RTTN: variants seen among roughly 807,000 people sequenced by gnomAD.
RTTN encodes rotatin.
In RTTN, 182 loss-of-function variants were observed where a neutral mutation model predicts 269.2. The observed-to-expected ratio is 0.68, with a 90% CI of 0.60 to 0.76. The LOEUF is 0.76. Ranked by LOEUF, RTTN falls within the 30% of genes least tolerant of loss-of-function variation. The pLI is 0.00. For missense variants in RTTN, 2,545 were observed against 2,608.6 expected, an observed-to-expected ratio of 0.98 and a Z score of 0.53; for synonymous variants, 1,006 against 963.5, an observed-to-expected ratio of 1.04 and a Z score of -0.82.
At chr18:70,125,275 A>C (rs909534106) in intron 25 of RTTN, among the ~76,000 whole-genome samples, 2 of 151,970 alleles carry the variant, frequency 1.3e-5, no homozygotes, top group Non-Finnish European at 2.9e-5. Flanking sequence ...AATCATTTTT[A>C]CCCTTCTCTG....
intron 32 of RTTN, among the ~76,000 whole-genome samples, chr18:70,080,213 T>C (rs759793657): frequency 7.9e-5 from 12 of 152,118 alleles, no homozygotes; most frequent in Admixed American, 3.9e-4. Context: ...CACAGACAAT[T>C]ACTAGCTTTG....
rs7227882 is a variant in RTTN, at chr18:70,167,195, G to T, written c.1690-164C>A. Among the ~76,000 whole-genome samples, 11,806 of 152,216 alleles carry T rather than the reference G, an allele frequency of 0.078. 977 individuals carry two copies. Among genetic ancestry groups the T allele is most frequent in the African/African-American group, 0.2 (8,365 of 41,488 alleles). On this transcript the variant is annotated intron_variant, in intron 12 of 48. Coordinates refer to ENST00000640769, the MANE Select transcript of RTTN (RefSeq NM_173630.4). The stretch of plus-strand genomic sequence containing the variant: ...ATCAAGCAACCTAAAAATGTCAGCC[G>T]AGGTGGAGAAATGTAGGAAAATTCC...
At chr18:70,123,740 T>G (rs1439081213) in intron 25 of RTTN, among the ~76,000 whole-genome samples, 1 of 152,104 alleles carries the variant, frequency 6.6e-6, no homozygotes, top group Non-Finnish European at 1.5e-5. Context: ...AGTTTCCTAA[T>G]AGTCTGCTTG....
At chr18:70,171,137 G>A (rs768564639) in intron 11 of RTTN, among the ~76,000 whole-genome samples, 96 of 152,178 alleles carry the variant, frequency 6.3e-4, no homozygotes, top group Non-Finnish European at 9.8e-4. Context: ...TGGTCTGGAA[G>A]TATAAATTTG....
At chr18:70,057,880 T>G (rs1226521830) in intron 36 of RTTN, 48 bp from the exon 37 acceptor site, 4 of 1,293,546 alleles carry the variant, frequency 3.1e-6, no homozygotes, top group African/African-American at 3.0e-5. Context: ...AGTATACTTT[T>G]TATTAAAGAT....
At chr18:70,156,010 T>C (rs2060665743) in intron 14 of RTTN, among the ~76,000 whole-genome samples, 2 of 152,088 alleles carry the variant, frequency 1.3e-5, no homozygotes, top group South Asian at 2.1e-4. Context: ...CCTGTGATGA[T>C]TGCGTTAACT....
chr18:70,204,978 C>T, intron 2 of RTTN, 150 bp downstream of exon 2: 1 of 704,440 alleles, frequency 1.4e-6, no homozygotes, highest in Non-Finnish European at 2.4e-6. Context: ...AAAGATGAAC[C>T]ATATACCCAG....
chr18:70,140,636 C>T lies in RTTN; in HGVS notation c.2582-448G>A, dbSNP rs116562344. Among the ~76,000 whole-genome samples the T allele has an allele frequency of 4.5e-3, 690 of 152,028 alleles. 6 individuals carry two copies. The highest frequency in any genetic ancestry group is 0.016 in the African/African-American group (652 of 41,516). On this transcript the variant is annotated intron_variant, in intron 19 of 48. Transcript: ENST00000640769. The stretch of plus-strand genomic sequence containing the variant: ...AACATTTTTCTATCTATAAAAAAAT[C>T]TCTAACCTCAAACTATTAATAGCAA...
At chr18:70,012,898 A>G (rs2056431710) in intron 46 of RTTN, among the ~76,000 whole-genome samples, 1 of 152,226 alleles carries the variant, frequency 6.6e-6, no homozygotes, top group Admixed American at 6.5e-5. Flanking sequence ...GAATAAACAA[A>G]AATTTTGTCT....
intron 32 of RTTN, among the ~76,000 whole-genome samples, chr18:70,084,537 C>CTTA (rs1278115590): frequency 1.3e-5 from 2 of 151,464 alleles, no homozygotes; most frequent in Non-Finnish European, 2.9e-5. Context: ...TCAGACCCCA[C>CTTA]TAAACTTTCT....
At chr18:70,022,994 G>A (rs2056749708) in intron 44 of RTTN, among the ~76,000 whole-genome samples, 1 of 152,124 alleles carries the variant, frequency 6.6e-6, no homozygotes, top group East Asian at 1.9e-4. Context: ...CCTCCAAGAT[G>A]GTCCCAGTGG....
chr18:70,050,144 C>T (rs527441840), intron 39 of RTTN, among the ~76,000 whole-genome samples: 1 of 152,088 alleles, frequency 6.6e-6, no homozygotes, highest in African/African-American at 2.4e-5. Context: ...GCAACCTACA[C>T]AATGGGAGAA....
chr18:70,046,598 G>C (rs1435894546), intron 40 of RTTN, among the ~76,000 whole-genome samples: 1 of 152,162 alleles, frequency 6.6e-6, no homozygotes. Context: ...GTTCTGATGG[G>C]GAATGAGAAA....
At chr18:70,073,883 A>C (rs775017395) in intron 34 of RTTN, 23 bp downstream of exon 34, 43 of 1,550,602 alleles carry the variant, frequency 2.8e-5, no homozygotes, top group Admixed American at 1.7e-4. Flanking sequence ...AAAATAAAGG[A>C]CTTATGCATT....
intron 26 of RTTN, among the ~76,000 whole-genome samples, chr18:70,117,200 T>C (rs552310055): frequency 1.3e-5 from 2 of 152,216 alleles, no homozygotes; most frequent in Admixed American, 6.5e-5. Context: ...AATTTTGTTT[T>C]TGCAACCACA....
intron 37 of RTTN, 41 bp downstream of exon 37, chr18:70,057,700 AC>A: frequency 3.4e-6 from 5 of 1,475,886 alleles, no homozygotes; most frequent in Non-Finnish European, 4.7e-6. Flanking sequence ...TATTTTTGAC[AC>A]CTAACGTAAA....
intron 14 of RTTN, among the ~76,000 whole-genome samples, chr18:70,161,085 TG>T (rs2060816036): frequency 6.6e-6 from 1 of 152,196 alleles, no homozygotes; most frequent in Non-Finnish European, 1.5e-5. Flanking sequence ...TCAGACTGCC[TG>T]ACTTCAAACT....
intron 35 of RTTN, 24 bp from the exon 36 acceptor site, chr18:70,060,066 AATT>A: frequency 6.4e-7 from 1 of 1,565,572 alleles, no homozygotes. Context: ...TAAACATAAG[AATT>A]ATTATTTACC....
rs34353615 is a variant in RTTN at position 70,168,879 on chromosome 18, G to T, written c.1665C>A (p.Asn555Lys). ...EAVYSIECTC[N>K]FLSDIGKEGE... ...CCTCTTTCCCAATATCAGACAGGAAGTTACAGGTGCATTCAATTGAATAAA... is the reference window on the plus strand; with the variant it reads ...CCTCTTTCCCAATATCAGACAGGAATTTACAGGTGCATTCAATTGAATAAA... The change falls in exon 12 of 49, where the codon AAC (asparagine) becomes AAA (lysine). Residue 555 changes from asparagine (N) to lysine (K), a missense_variant. Physicochemically the swap from Asn to Lys is moderately conservative, Grantham distance 94. Transcript: ENST00000640769. 26,664 of 1,611,158 alleles carry T rather than the reference G, an allele frequency of 0.017. 323 individuals carry two copies. The highest frequency in any genetic ancestry group is 0.039 in the South Asian group (3,496 of 90,030).
Sources: allele counts gnomAD v4.1 joint callset (sites outside exome capture counted in the v4.1 genomes callset), GRCh38; gene constraint gnomAD v4.1.1; transcripts MANE v1.5; gene names NCBI Gene and HGNC (gene_info 2026-07-23, HGNC 2026-07-21).